CNTNAP2: variants seen among roughly 807,000 people sequenced by gnomAD.
CNTNAP2 encodes contactin-associated protein-like 2.
In CNTNAP2, 98 loss-of-function variants were observed where a neutral mutation model predicts 155.2. The ratio of observed to expected loss-of-function variants is 0.63; its 90% CI spans 0.54 to 0.75. The LOEUF is 0.75. CNTNAP2 is among the 30% of genes least tolerant of loss of function. The pLI is 0.00. For missense variants in CNTNAP2, 1,727 were observed against 1,688.1 expected (o/e 1.02, Z -0.40); for synonymous variants, 651 against 631.2 (o/e 1.03, Z -0.47).
At chr7:147,181,893 G>A (rs544702690) in intron 8 of CNTNAP2, among the ~76,000 whole-genome samples, 7 of 152,152 alleles carry the variant, frequency 4.6e-5, no homozygotes, top group Admixed American at 2.0e-4. Flanking sequence ...TTGGGAGGCC[G>A]AGGTGGGTGG....
At chr7:148,223,106 C>T in intron 19 of CNTNAP2, among the ~76,000 whole-genome samples, 1 of 152,200 alleles carries the variant, frequency 6.6e-6, no homozygotes, top group Non-Finnish European at 1.5e-5. Flanking sequence ...CTCAAGCACT[C>T]TGTGGTCATA....
chr7:146,862,308 C>G (rs985355606), intron 3 of CNTNAP2, among the ~76,000 whole-genome samples: 1 of 152,042 alleles, frequency 6.6e-6, no homozygotes, highest in African/African-American at 2.4e-5. Flanking sequence ...ATAAAAAGAG[C>G]TGTAGCATTT....
At chr7:146,430,491 T>C (rs1796158903) in intron 1 of CNTNAP2, among the ~76,000 whole-genome samples, 1 of 152,054 alleles carries the variant, frequency 6.6e-6, no homozygotes, top group African/African-American at 2.4e-5. Context: ...AGGATATGAA[T>C]GAATGAATAG....
intron 8 of CNTNAP2, among the ~76,000 whole-genome samples, chr7:147,251,092 A>G (rs868017492): frequency 1.3e-5 from 2 of 152,142 alleles, no homozygotes; most frequent in African/African-American, 4.8e-5. Context: ...TAGAGACTGC[A>G]CCCAACCAGA....
chr7:146,855,217 C>G (rs1794951500), intron 3 of CNTNAP2, among the ~76,000 whole-genome samples: 1 of 152,114 alleles, frequency 6.6e-6, no homozygotes, highest in South Asian at 2.1e-4. Context: ...AAACAGCATT[C>G]TCATATACTC....
In CNTNAP2 at chr7:148,147,561, C is replaced by T; in HGVS notation, c.2625C>T (p.Thr875=). The T allele has an allele frequency of 1.2e-6, 2 of 1,614,026 alleles. No individual in the cohort carries two copies. The highest frequency in any genetic ancestry group is 1.7e-6 in the Non-Finnish European group (2 of 1,180,022). ...TAGAGATTGTAGTGAGGTCACCAACCCCTCTCAACGATGACCAGTGGCACC... is the reference window on the plus strand; with the variant it reads ...TAGAGATTGTAGTGAGGTCACCAACTCCTCTCAACGATGACCAGTGGCACC... ...GPVEIVVRSP[T]PLNDDQWHRV... The change falls in exon 17 of 24, where the codon ACC becomes ACT. Residue 875 remains threonine (T), a synonymous_variant. Coordinates refer to ENST00000361727, the MANE Select transcript of CNTNAP2 (RefSeq NM_014141.6).
chr7:146,829,017 G>A (rs1023744476), intron 2 of CNTNAP2, among the ~76,000 whole-genome samples: 2 of 151,898 alleles, frequency 1.3e-5, no homozygotes, highest in African/African-American at 4.8e-5. Flanking sequence ...TAGCTTTTGG[G>A]TCTGGCTTTC....
At chr7:146,765,454 C>T (rs1802177991) in intron 1 of CNTNAP2, among the ~76,000 whole-genome samples, 1 of 152,142 alleles carries the variant, frequency 6.6e-6, no homozygotes, top group Admixed American at 6.6e-5. Context: ...ATAGTCAAAA[C>T]TAGGAAGCAC....
intron 13 of CNTNAP2, among the ~76,000 whole-genome samples, chr7:147,697,694 C>T (rs1023669344): frequency 6.6e-6 from 1 of 152,060 alleles, no homozygotes; most frequent in Non-Finnish European, 1.5e-5. Flanking sequence ...TGGAGGAGAC[C>T]ACAGCTGTGC....
chr7:146,644,276 A>G (rs1799769646), intron 1 of CNTNAP2, among the ~76,000 whole-genome samples: 2 of 152,068 alleles, frequency 1.3e-5, no homozygotes. Context: ...ATTCAGTATG[A>G]TATTGGCTGT....
chr7:147,725,323 A>G (rs944258380), intron 13 of CNTNAP2, among the ~76,000 whole-genome samples: 7 of 152,098 alleles, frequency 4.6e-5, no homozygotes, highest in African/African-American at 1.7e-4. Flanking sequence ...AGAACTGATC[A>G]TTTATTTGGA....
intron 1 of CNTNAP2, among the ~76,000 whole-genome samples, chr7:146,544,502 A>C (rs1180400988): frequency 6.6e-6 from 1 of 151,972 alleles, no homozygotes; most frequent in African/African-American, 2.4e-5. Flanking sequence ...TTTGATTGGA[A>C]ATCTAACAAT....
intron 11 of CNTNAP2, among the ~76,000 whole-genome samples, chr7:147,525,671 G>A (rs553226115): frequency 3.3e-5 from 5 of 152,306 alleles, no homozygotes; most frequent in South Asian, 2.1e-4. Flanking sequence ...TAATGGGGCT[G>A]TACGTCTTAA....
intron 4 of CNTNAP2, among the ~76,000 whole-genome samples, chr7:147,051,557 C>T (rs959527626): frequency 1.3e-5 from 2 of 151,958 alleles, no homozygotes; most frequent in African/African-American, 4.8e-5. Flanking sequence ...TAAGAAGCAA[C>T]AGAAATTAGG....
At chr7:148,324,788 C>T (rs1249947509) in intron 21 of CNTNAP2, among the ~76,000 whole-genome samples, 2 of 4,436 alleles carry the variant, frequency 4.5e-4, no homozygotes, top group African/African-American at 1.2e-3. Flanking sequence ...GAGTAAGACT[C>T]CATCTCAAAA....
chr7:146,661,182 A>G (rs1367533029), intron 1 of CNTNAP2, among the ~76,000 whole-genome samples: 2 of 152,186 alleles, frequency 1.3e-5, no homozygotes, highest in African/African-American at 4.8e-5. Flanking sequence ...CCTGAAAATC[A>G]TGTATCTGGT....
chr7:146,677,215 G>A (rs1800415882), intron 1 of CNTNAP2, among the ~76,000 whole-genome samples: 1 of 152,142 alleles, frequency 6.6e-6, no homozygotes, highest in African/African-American at 2.4e-5. Context: ...TTCCAAACTG[G>A]AAGTGGGGTT....
At chr7:146,384,490 T>C (rs1380752953) in intron 1 of CNTNAP2, among the ~76,000 whole-genome samples, 1 of 152,228 alleles carries the variant, frequency 6.6e-6, no homozygotes, top group East Asian at 1.9e-4. Context: ...TAATTTATTA[T>C]ATGAAATTTC....
At chr7:147,031,792 C>A (rs1297089936) in intron 3 of CNTNAP2, among the ~76,000 whole-genome samples, 1 of 152,154 alleles carries the variant, frequency 6.6e-6, no homozygotes, top group Non-Finnish European at 1.5e-5. Flanking sequence ...GTGGCCTGTG[C>A]CTGTAGTCCC....
Sources: allele counts gnomAD v4.1 joint callset (sites outside exome capture counted in the v4.1 genomes callset), GRCh38; gene constraint gnomAD v4.1.1; transcripts MANE v1.5; gene names NCBI Gene and HGNC (gene_info 2026-07-23, HGNC 2026-07-21).